Variants in SKAP2 observed in about 807,000 individuals in gnomAD.
SKAP2 encodes the protein src kinase associated phosphoprotein 2, also known as src kinase-associated phosphoprotein 2.
Under a neutral mutation model 54.9 loss-of-function variants are expected in SKAP2, and 28 were observed. The observed-to-expected ratio is 0.51, with a 90% CI of 0.38 to 0.70. SKAP2 has a LOEUF of 0.70. Ranked by LOEUF, SKAP2 falls within the 30% of genes least tolerant of loss-of-function variation. The probability of loss-of-function intolerance (pLI) is 0.00; values close to 1 mark genes in which losing one functional copy is unlikely to be tolerated. For synonymous variants in SKAP2, 137 were observed against 134.3 expected (o/e 1.02, Z -0.14); for missense variants, 356 against 424.1 (o/e 0.84, Z 1.41).
chr7:26,786,429 G>A (rs554580570), intron 4 of SKAP2, among the ~76,000 whole-genome samples: 19 of 152,302 alleles, frequency 1.2e-4, no homozygotes, highest in Admixed American at 9.2e-4. Flanking sequence ...GATGGAGAAT[G>A]ATGACAGAGC....
intron 4 of SKAP2, among the ~76,000 whole-genome samples, chr7:26,744,007 G>A (rs1484654846): frequency 6.6e-6 from 1 of 152,106 alleles, no homozygotes; most frequent in Non-Finnish European, 1.5e-5. Flanking sequence ...GTATATTGTA[G>A]ACATAGTACA....
chr7:26,789,700 G>A (rs977875563), intron 4 of SKAP2, among the ~76,000 whole-genome samples: 2 of 152,104 alleles, frequency 1.3e-5, no homozygotes, highest in African/African-American at 4.8e-5. Flanking sequence ...AATTCAGCAG[G>A]CATGCTCCTG....
chr7:26,731,031 C>T (rs1010425342), intron 6 of SKAP2, among the ~76,000 whole-genome samples: 5 of 152,140 alleles, frequency 3.3e-5, no homozygotes, highest in African/African-American at 7.2e-5. Context: ...AATTTGCTCA[C>T]GGTCACACAA....
intron 9 of SKAP2, among the ~76,000 whole-genome samples, chr7:26,691,776 G>T (rs1786788748): frequency 6.6e-6 from 1 of 152,164 alleles, no homozygotes; most frequent in Non-Finnish European, 1.5e-5. Context: ...GGATAAGAAG[G>T]ATATTTCCGG....
chr7:26,675,463 G>A (rs542240592), intron 11 of SKAP2, among the ~76,000 whole-genome samples: 4 of 152,030 alleles, frequency 2.6e-5, no homozygotes, highest in South Asian at 4.2e-4. Flanking sequence ...TAGATTTTAC[G>A]TACATTAGTT....
the SKAP2 span, among the ~76,000 whole-genome samples, chr7:26,660,618 C>CAATT: frequency 3.3e-5 from 5 of 151,990 alleles, no homozygotes; most frequent in African/African-American, 1.2e-4. Context: ...TCTTTAATCA[C>CAATT]AGTTGCCACA....
At position 26,684,806 on chromosome 7, in the gene SKAP2, C is replaced by A; in HGVS notation, c.917G>T (p.Trp306Leu). The change falls in exon 11 of 13, where the codon TGG becomes TTG. Residue 306 changes from tryptophan to leucine, a missense_variant. Trp to Leu is a moderately conservative substitution (Grantham distance 61). Transcript: ENST00000345317. ...ATCAGAAAAAGCTCCAGTACAATCC[C>A]ACAATCCCTGGTAAAAATTAGCATA... is the stretch of plus-strand genomic sequence containing the variant. ...TDYANFYQGL[W>L]DCTGAFSDEL... is the part of the protein sequence containing the mutation. 1.2e-6 allele frequency: 2 copies of A among 1,612,886 alleles called. No individual in the cohort carries two copies. The highest frequency in any genetic ancestry group is 1.7e-6 in the Non-Finnish European group (2 of 1,179,114).
chr7:26,744,910 T>C (rs112763950), intron 4 of SKAP2, among the ~76,000 whole-genome samples: 3 of 152,316 alleles, frequency 2.0e-5, no homozygotes, highest in African/African-American at 7.2e-5. Context: ...ATATGCAACT[T>C]TGGTGATCAA....
chr7:26,672,412 C>T (rs557035248), intron 11 of SKAP2, among the ~76,000 whole-genome samples: 37 of 151,954 alleles, frequency 2.4e-4, no homozygotes, highest in Non-Finnish European at 4.6e-4. Context: ...TGGTAAACAG[C>T]AGGGAGGAGC....
intron 9 of SKAP2, among the ~76,000 whole-genome samples, chr7:26,716,006 C>T (rs1287346132): frequency 3.9e-5 from 6 of 152,132 alleles, no homozygotes; most frequent in African/African-American, 1.2e-4. Flanking sequence ...TAGTTAAAGA[C>T]CATAGTCTGT....
At chr7:26,670,306 T>C (rs753294155) in intron 11 of SKAP2, 114 bp from the exon 12 acceptor site, 1 of 593,152 alleles carries the variant, frequency 1.7e-6, no homozygotes, top group African/African-American at 1.9e-5. Context: ...GAGCTTGAGC[T>C]GCAAATGTAA....
chr7:26,822,719 C>CAA (rs60291116), intron 4 of SKAP2, among the ~76,000 whole-genome samples: 11 of 137,672 alleles, frequency 8.0e-5, no homozygotes, highest in African/African-American at 2.1e-4. Flanking sequence ...ACTAAAAATA[C>CAA]AAAAAAAAAA....
chr7:26,738,548 C>T (rs1302202244), intron 6 of SKAP2, among the ~76,000 whole-genome samples: 2 of 152,202 alleles, frequency 1.3e-5, no homozygotes, highest in East Asian at 3.8e-4. Context: ...AAAGGCCACA[C>T]AGATTAAAGT....
At chr7:26,684,962 A>C in intron 10 of SKAP2, 114 bp from the exon 11 acceptor site, 1 of 632,162 alleles carries the variant, frequency 1.6e-6, no homozygotes, top group Non-Finnish European at 2.8e-6. Flanking sequence ...AGTCTAAAAA[A>C]ATTATGTCCT....
intron 9 of SKAP2, among the ~76,000 whole-genome samples, chr7:26,707,640 G>A (rs1401907587): frequency 6.6e-6 from 1 of 152,156 alleles, no homozygotes; most frequent in African/African-American, 2.4e-5. Flanking sequence ...CTGATCATTT[G>A]CATGGTGGGG....
intron 4 of SKAP2, among the ~76,000 whole-genome samples, chr7:26,843,317 A>G (rs1397920185): frequency 6.6e-6 from 1 of 152,048 alleles, no homozygotes; most frequent in African/African-American, 2.4e-5. Flanking sequence ...ACACATTCTT[A>G]ATTTATAACT....
chr7:26,745,304 G>C (rs923246287), intron 4 of SKAP2, among the ~76,000 whole-genome samples: 26 of 152,190 alleles, frequency 1.7e-4, no homozygotes, highest in Non-Finnish European at 2.6e-4. Context: ...CAAATATTCT[G>C]TGTCACCACA....
Position 26,668,904 on chromosome 7 carries a change from G to A in SKAP2, c.*762C>T, listed in dbSNP as rs959614994. The A allele has an allele frequency of 6.6e-6, 1 of 152,016 alleles. No homozygotes were observed. The highest frequency in any genetic ancestry group is 2.4e-5 in the African/African-American group (1 of 41,394). The allele number at this position is 152,016 out of a possible 1,614,324, so 9.4% of individuals were successfully genotyped here. ...TCTTTATACCATTTTGTTAGTGGTA[G>A]GGTGGTATTTCTTAGGAATTTTTTG... On this transcript the variant is annotated 3_prime_UTR_variant, in exon 13 of 13. Coordinates refer to ENST00000345317, the MANE Select transcript of SKAP2 (RefSeq NM_003930.5).
chr7:26,832,523 T>C (rs10249931), intron 4 of SKAP2, among the ~76,000 whole-genome samples: 5,913 of 152,228 alleles, frequency 0.039, 365 homozygotes, highest in African/African-American at 0.13. Flanking sequence ...CTTTTGTTTG[T>C]TTTTAAAGAA....
Sources: allele counts gnomAD v4.1 joint callset (sites outside exome capture counted in the v4.1 genomes callset), GRCh38; gene constraint gnomAD v4.1.1; transcripts MANE v1.5; gene names NCBI Gene and HGNC (gene_info 2026-07-23, HGNC 2026-07-21).